The following PTK2 variants were observed in gnomAD, a reference collection of about 807,000 sequenced individuals.
PTK2 encodes the protein protein tyrosine kinase 2.
PTK2 carries 45 observed loss-of-function variants against 150.1 expected under a neutral mutation model. The observed-to-expected ratio is 0.30, with a 90% CI of 0.24 to 0.38. The LOEUF is 0.38. Among genes scored for constraint, PTK2 ranks in the 10% least tolerant of loss-of-function variants. The pLI, the probability that PTK2 is intolerant of heterozygous loss-of-function variation, is 1.00. For synonymous variants in PTK2, 432 were observed against 449.2 expected (o/e 0.96, Z 0.48); for missense variants, 919 against 1,307.3 (o/e 0.70, Z 4.58).
At position 140,669,301 on chromosome 8, in the gene PTK2, G is replaced by GTATATATATATATATA. The variant is rs35271369; in HGVS notation, c.2710-893_2710-878dup. On this transcript the variant is annotated intron_variant, in intron 29 of 31. Transcript: ENST00000522684. Reference sequence around the variant, plus strand: ...GTTAGAATTACACCAGCATAAAATGGTATATATATATATATATATATATAT... The same window carrying GTATATATATATATATA: ...GTTAGAATTACACCAGCATAAAATGGTATATATATATATATATATATATATATATATATATATATAT... The GTATATATATATATATA allele has an allele frequency of 2.0e-3, 197 of 97,962 alleles. 2 individuals are homozygous for GTATATATATATATATA. Among genetic ancestry groups the GTATATATATATATATA allele is most frequent in the Non-Finnish European group, 2.7e-3 (142 of 51,888 alleles). 6.1% of individuals were successfully genotyped at this position (97,962 alleles called of 1,614,324 possible). A position where few individuals can be genotyped will look rare whatever the true frequency, so the allele number is the denominator to read the frequency against.
Position 140,799,513 on chromosome 8 carries a change from C to T in PTK2, c.1093+946G>A, listed in dbSNP as rs149582749. 4.5e-3 allele frequency among the ~76,000 whole-genome samples: 687 copies of T among 152,314 alleles called. 4 individuals are homozygous for T. Among genetic ancestry groups the T allele is most frequent in the African/African-American group, 0.016 (650 of 41,566 alleles). The stretch of plus-strand genomic sequence containing the variant: ...AGCGTGAGCTGCTTTACAGTTACTC[C>T]TTGGGAGGTGTCTAACAACCCTACA... On this transcript the variant is annotated intron_variant, in intron 12 of 31. Transcript: ENST00000522684.
intron 4 of PTK2, among the ~76,000 whole-genome samples, chr8:140,864,978 A>G (rs1169297212): frequency 1.3e-5 from 2 of 152,226 alleles, no homozygotes; most frequent in Non-Finnish European, 2.9e-5. Context: ...GCTTTAGTAG[A>G]TATTATCAAA....
At chr8:140,861,906 T>C (rs72683783) in intron 5 of PTK2, among the ~76,000 whole-genome samples, 19,889 of 152,214 alleles carry the variant, frequency 0.13, 2,074 homozygotes, top group East Asian at 0.48. Flanking sequence ...GTATCAGGGA[T>C]AGACTGAATT....
At chr8:140,784,637 T>C (rs1381199587) in intron 14 of PTK2, among the ~76,000 whole-genome samples, 2 of 152,184 alleles carry the variant, frequency 1.3e-5, no homozygotes, top group East Asian at 3.8e-4. Flanking sequence ...TCCCTTATGA[T>C]AGACTGCAGC....
At chr8:140,754,806 T>C (rs1565707392) in intron 16 of PTK2, among the ~76,000 whole-genome samples, 1 of 152,170 alleles carries the variant, frequency 6.6e-6, no homozygotes, top group Non-Finnish European at 1.5e-5. Flanking sequence ...GTCTAGGGAA[T>C]GCTGAACTGT....
intron 3 of PTK2, among the ~76,000 whole-genome samples, chr8:140,885,534 A>C (rs1384598356): frequency 2.0e-5 from 3 of 152,236 alleles, no homozygotes; most frequent in Non-Finnish European, 4.4e-5. Flanking sequence ...AGAAAATAAA[A>C]TAGTGACAGA....
chr8:140,961,366 G>C lies in PTK2; in HGVS notation c.-121-35617C>G, dbSNP rs970192770. On this transcript the variant is annotated intron_variant, in intron 1 of 31. Coordinates refer to ENST00000522684, the Ensembl canonical transcript of PTK2. ...ATTCCAAATGCAAAGTTTCCTTTAA[G>C]ATTTGGTACTACAGGCCGAGCGTGG... is the stretch of plus-strand genomic sequence containing the variant. Among the ~76,000 whole-genome samples, 8 of 151,944 alleles carry C rather than the reference G, an allele frequency of 5.3e-5. No homozygotes were observed. The East Asian group carries it at 1.2e-3, about 22-fold the overall frequency.
intron 1 of PTK2, among the ~76,000 whole-genome samples, chr8:140,966,939 AT>A (rs1295298924): frequency 6.6e-6 from 1 of 152,178 alleles, no homozygotes; most frequent in Non-Finnish European, 1.5e-5. Flanking sequence ...CAATGTTCTC[AT>A]TTCAATGCAC....
intron 2 of PTK2, among the ~76,000 whole-genome samples, chr8:140,912,854 G>A (rs1259620940): frequency 6.6e-6 from 1 of 152,072 alleles, no homozygotes; most frequent in Non-Finnish European, 1.5e-5. Context: ...GCTGAGGCAG[G>A]AGAATAGCTT....
At chr8:140,670,757 T>C (rs1382682142) in intron 29 of PTK2, among the ~76,000 whole-genome samples, 4 of 152,130 alleles carry the variant, frequency 2.6e-5, no homozygotes, top group African/African-American at 9.7e-5. Context: ...CAGTGTGGTC[T>C]TCTGTTTAAC....
intron 1 of PTK2, among the ~76,000 whole-genome samples, chr8:140,981,650 G>A (rs972830872): frequency 1.3e-5 from 2 of 152,226 alleles, no homozygotes; most frequent in African/African-American, 2.4e-5. Flanking sequence ...TTCACGGCAT[G>A]TGAAAATTAT....
chr8:140,739,775 T>C (rs1243601124), intron 20 of PTK2, among the ~76,000 whole-genome samples: 1 of 152,124 alleles, frequency 6.6e-6, no homozygotes, highest in Non-Finnish European at 1.5e-5. Flanking sequence ...GGCTCTGCCC[T>C]GTGCCGTCCC....
chr8:140,837,848 CAGG>C (rs1362142221), intron 7 of PTK2, among the ~76,000 whole-genome samples: 2 of 152,084 alleles, frequency 1.3e-5, no homozygotes, highest in Non-Finnish European at 2.9e-5. Context: ...CACTTGAGGT[CAGG>C]AGTTCAAAAT....
At chr8:140,712,985 A>AG (rs1461582064) in intron 23 of PTK2, among the ~76,000 whole-genome samples, 8 of 152,204 alleles carry the variant, frequency 5.3e-5, no homozygotes, top group Admixed American at 5.2e-4. Flanking sequence ...CATGAAAAAA[A>AG]GTGTTTAGTC....
chr8:140,927,963 A>T (rs1392931267), intron 1 of PTK2, among the ~76,000 whole-genome samples: 182 of 67,018 alleles, frequency 2.7e-3, no homozygotes, highest in African/African-American at 0.011. Flanking sequence ...AAAAAGAAAA[A>T]AAAAAAAAAA....
At chr8:140,696,068 A>G (rs185508547) in intron 26 of PTK2, among the ~76,000 whole-genome samples, 1 of 152,292 alleles carries the variant, frequency 6.6e-6, no homozygotes, top group Admixed American at 6.5e-5. Flanking sequence ...TCTAACGTTT[A>G]GATGCTTAAC....
chr8:140,966,800 T>C (rs1382317185), intron 1 of PTK2, among the ~76,000 whole-genome samples: 1 of 152,236 alleles, frequency 6.6e-6, no homozygotes, highest in East Asian at 1.9e-4. Context: ...TATTTTAAGA[T>C]AGGTATAAAT....
At chr8:140,959,723 C>T (rs2100182450) in intron 1 of PTK2, among the ~76,000 whole-genome samples, 1 of 151,118 alleles carries the variant, frequency 6.6e-6, no homozygotes, top group Non-Finnish European at 1.5e-5. Flanking sequence ...CCACGTATAG[C>T]AGCTCATGCC....
intron 10 of PTK2, among the ~76,000 whole-genome samples, chr8:140,811,735 C>T (rs926345278): frequency 3.3e-5 from 5 of 152,106 alleles, no homozygotes; most frequent in South Asian, 2.1e-4. Flanking sequence ...AACCTGATGG[C>T]GCTGAAAAGC....
Sources: gnomAD v4.1 joint callset for allele counts (sites outside exome capture counted in the v4.1 genomes callset) on GRCh38, gnomAD v4.1.1 for gene constraint, MANE v1.5 for transcripts, NCBI Gene and HGNC (gene_info 2026-07-23, HGNC 2026-07-21) for gene names.